The following DPY19L4 variants were observed in gnomAD, a reference collection of about 807,000 sequenced individuals.
DPY19L4 encodes dpy-19 like 4.
Under a neutral mutation model 102.8 loss-of-function variants are expected in DPY19L4, and 97 were observed. That is an observed-to-expected ratio of 0.94 (90% confidence interval 0.80 to 1.12). DPY19L4 has a LOEUF of 1.12. Ranked by LOEUF, DPY19L4 falls within the 50% of genes most tolerant of loss-of-function variation. The pLI, the probability that DPY19L4 is intolerant of heterozygous loss-of-function variation, is 0.00. For synonymous variants in DPY19L4, 252 were observed against 283.1 expected, an observed-to-expected ratio of 0.89 and a Z score of 1.10; for missense variants, 815 against 850.4, an observed-to-expected ratio of 0.96 and a Z score of 0.52.
chr8:94,733,912 C>G (rs116673573), intron 2 of DPY19L4, among the ~76,000 whole-genome samples: 1 of 152,166 alleles, frequency 6.6e-6, no homozygotes, highest in Non-Finnish European at 1.5e-5. Flanking sequence ...GTATTACACT[C>G]TCCCACATAT....
At chr8:94,774,086 C>T (rs1813060977) in intron 13 of DPY19L4, among the ~76,000 whole-genome samples, 1 of 151,090 alleles carries the variant, frequency 6.6e-6, no homozygotes, top group Non-Finnish European at 1.5e-5. Flanking sequence ...TTCTGTCGCC[C>T]AGACTGGAGT....
At chr8:94,735,911 T>A (rs1029184870) in intron 3 of DPY19L4, among the ~76,000 whole-genome samples, 3 of 152,150 alleles carry the variant, frequency 2.0e-5, no homozygotes, top group African/African-American at 4.8e-5. Flanking sequence ...ATAAAAAAAA[T>A]TTTAAAGTAA....
chr8:94,749,271 C>T (rs1032665104), intron 6 of DPY19L4, among the ~76,000 whole-genome samples: 3 of 152,152 alleles, frequency 2.0e-5, no homozygotes, highest in Admixed American at 1.3e-4. Flanking sequence ...TTCCAGAAAA[C>T]CAGTCCCTGG....
rs376044474 is a variant in DPY19L4, at chr8:94,739,773, G to A, written c.594G>A (p.Ala198=). ...GGCTAGCAGGAATGCTTACTGTTGC[G>A]TGGTTCGTTATTAACAGGTAAGAAA... ...GTWLAGMLTV[A]WFVINRVDTT... Residue 198 remains alanine (A), a synonymous_variant, in exon 6 of 19, where the codon GCG becomes GCA. Transcript: ENST00000414645. The A allele has an allele frequency of 8.2e-5, 133 of 1,612,298 alleles. No homozygotes were observed. The highest frequency in any genetic ancestry group is 1.1e-4 in the Non-Finnish European group (126 of 1,180,000).
chr8:94,738,914 G>A (rs1018092348), intron 4 of DPY19L4, among the ~76,000 whole-genome samples: 1 of 151,940 alleles, frequency 6.6e-6, no homozygotes, highest in Admixed American at 6.6e-5. Flanking sequence ...GCATATTTAT[G>A]GGGAGTGATA....
intron 1 of DPY19L4, among the ~76,000 whole-genome samples, chr8:94,725,910 T>G (rs1810668229): frequency 6.6e-6 from 1 of 152,200 alleles, no homozygotes. Context: ...GTGCTGGGAT[T>G]ACAGGCGTGA....
chr8:94,783,937 T>TA (rs1405961087), intron 17 of DPY19L4, 135 bp downstream of exon 17: 16 of 1,012,588 alleles, frequency 1.6e-5, no homozygotes, highest in Admixed American at 3.2e-5. Flanking sequence ...ACTTCCATTT[T>TA]AAAAAACCTT....
At chr8:94,740,637 A>G (rs1811404408) in intron 6 of DPY19L4, among the ~76,000 whole-genome samples, 2 of 152,014 alleles carry the variant, frequency 1.3e-5, no homozygotes, top group South Asian at 4.2e-4. Context: ...TTGTATTTTT[A>G]GTAGAGACAG....
At chr8:94,778,543 C>G (rs1424441542) in intron 14 of DPY19L4, among the ~76,000 whole-genome samples, 1 of 152,154 alleles carries the variant, frequency 6.6e-6, no homozygotes, top group Non-Finnish European at 1.5e-5. Context: ...CCCTCCGCTT[C>G]CACTTTCTTC....
intron 9 of DPY19L4, 44 bp downstream of exon 9, chr8:94,765,358 T>G: frequency 6.4e-7 from 1 of 1,563,684 alleles, no homozygotes; most frequent in Non-Finnish European, 8.6e-7. Context: ...TGATTTTTTT[T>G]TTTTGAAGTG....
At position 94,765,225 on chromosome 8, in the gene DPY19L4, G is replaced by A; in HGVS notation, c.913G>A (p.Gly305Arg). 6.3e-7 allele frequency: 1 copy of A among 1,595,220 alleles called. No individual in the cohort carries two copies. Among genetic ancestry groups the A allele is most frequent in the Non-Finnish European group, 8.5e-7 (1 of 1,169,900 alleles). Reference protein sequence around the residue: ...YKIYIFSLFLGYLLQFENPAL... With the variant: ...YKIYIFSLFLRYLLQFENPAL... Reference sequence around the variant, plus strand: ...AATCTACATATTTTCCCTCTTTCTGGGATATTTACTACAGTTTGAGAATCC... The same window carrying A: ...AATCTACATATTTTCCCTCTTTCTGAGATATTTACTACAGTTTGAGAATCC... Residue 305 changes from glycine (G) to arginine (R), a missense_variant, in exon 9 of 19, where the codon GGA becomes AGA. Transcript: ENST00000414645.
intron 8 of DPY19L4, among the ~76,000 whole-genome samples, chr8:94,762,287 C>T (rs1812426349): frequency 6.6e-6 from 1 of 151,952 alleles, no homozygotes; most frequent in Non-Finnish European, 1.5e-5. Flanking sequence ...GAAGCTGGTT[C>T]TTGAAGTGTT....
intron 1 of DPY19L4, among the ~76,000 whole-genome samples, chr8:94,720,486 C>A (rs1810410462): frequency 6.6e-6 from 1 of 152,176 alleles, no homozygotes; most frequent in South Asian, 2.1e-4. Flanking sequence ...TTGGGATAAA[C>A]GTGGCAAGAT....
chr8:94,727,173 A>G (rs1004280636), intron 2 of DPY19L4, among the ~76,000 whole-genome samples: 2 of 152,240 alleles, frequency 1.3e-5, no homozygotes, highest in African/African-American at 4.8e-5. Context: ...TTTGGTTATT[A>G]GCTGGAAGGA....
chr8:94,739,812 A>AT, intron 6 of DPY19L4, 22 bp downstream of exon 6: 1 of 1,609,252 alleles, frequency 6.2e-7, no homozygotes, highest in Non-Finnish European at 8.5e-7. Flanking sequence ...GTTTTAATTG[A>AT]TTTTTAAAAA....
intron 3 of DPY19L4, among the ~76,000 whole-genome samples, chr8:94,737,642 G>C (rs1168361517): frequency 1.3e-5 from 2 of 151,838 alleles, no homozygotes; most frequent in African/African-American, 2.4e-5. Context: ...AATTAGCCGG[G>C]CGTGGTGGCG....
At chr8:94,734,217 C>G (rs1230610156) in intron 2 of DPY19L4, among the ~76,000 whole-genome samples, 2 of 151,718 alleles carry the variant, frequency 1.3e-5, no homozygotes, top group Admixed American at 6.6e-5. Flanking sequence ...CGCCACCACA[C>G]CCAGCTAATT....
In DPY19L4 at chr8:94,739,656, G is replaced by T. The variant is rs776176882; in HGVS notation, c.477G>T (p.Glu159Asp). 6.2e-7 allele frequency: 1 copy of T among 1,613,910 alleles called. No homozygotes were observed. Among genetic ancestry groups the T allele is most frequent in the Non-Finnish European group, 8.5e-7 (1 of 1,179,924 alleles). ...YQATGSNEIIEPVYFYIGIVF... is the reference protein window; with the variant it reads ...YQATGSNEIIDPVYFYIGIVF... ...TTTTTTCCACATAGGAGATTATTGA[G>T]CCAGTGTATTTCTATATTGGCATTG... Residue 159 changes from glutamate to aspartate, a missense_variant, in exon 6 of 19, where the codon GAG (glutamate) becomes GAT (aspartate). Transcript: ENST00000414645.
chr8:94,749,487 C>T (rs1335148608), intron 6 of DPY19L4, among the ~76,000 whole-genome samples: 1 of 152,172 alleles, frequency 6.6e-6, no homozygotes, highest in Non-Finnish European at 1.5e-5. Flanking sequence ...TGATGCAACC[C>T]CCTAGAGCTG....
Sources: gnomAD v4.1 joint callset for allele counts (sites outside exome capture counted in the v4.1 genomes callset) on GRCh38, gnomAD v4.1.1 for gene constraint, MANE v1.5 for transcripts, NCBI Gene and HGNC (gene_info 2026-07-23, HGNC 2026-07-21) for gene names.